The following TRPM8 variants were observed in gnomAD, a reference collection of about 807,000 sequenced individuals.
TRPM8 encodes transient receptor potential cation channel subfamily M member 8.
TRPM8 carries 110 observed loss-of-function variants against 133.7 expected under a neutral mutation model. That is an observed-to-expected ratio of 0.82 (90% CI 0.70 to 0.96). TRPM8 has a LOEUF of 0.96. TRPM8 is among the 40% of genes least tolerant of loss of function. TRPM8 has a pLI of 0.00. For missense variants in TRPM8, 1,291 were observed against 1,379.5 expected, an observed-to-expected ratio of 0.94 and a Z score of 1.02; for synonymous variants, 535 against 532.3, an observed-to-expected ratio of 1.01 and a Z score of -0.07.
chr2:233,932,246 C>T (rs1490031660), intron 3 of TRPM8, among the ~76,000 whole-genome samples: 1 of 152,178 alleles, frequency 6.6e-6, no homozygotes, highest in Non-Finnish European at 1.5e-5. Context: ...GTTGTTCCTG[C>T]CCTTCTCTGA....
At chr2:233,951,782 C>T (rs908131200) in intron 9 of TRPM8, among the ~76,000 whole-genome samples, 7 of 152,128 alleles carry the variant, frequency 4.6e-5, no homozygotes, top group African/African-American at 1.7e-4. Context: ...GGCACTCATA[C>T]AGGGTTTTGC....
In TRPM8 at chr2:233,939,119, T is replaced by C; in HGVS notation, c.470T>C (p.Leu157Pro). The change falls in exon 5 of 26, where the codon CTG (leucine) becomes CCG (proline). Residue 157 changes from leucine (L) to proline (P), a missense_variant. Leu to Pro is a moderately conservative substitution (Grantham distance 98, BLOSUM62 -3). Coordinates refer to ENST00000324695, the MANE Select transcript of TRPM8 (RefSeq NM_024080.5). The part of the protein sequence containing the change: ...SVTGGAKNFA[L>P]KPRMRKIFSR... ...ACCGGGGGCGCCAAGAACTTCGCCC[T>C]GAAGCCGCGCATGCGCAAGATCTTC... 1 of 1,614,170 alleles carries C rather than the reference T, an allele frequency of 6.2e-7. No homozygotes were observed. Among genetic ancestry groups the C allele is most frequent in the Non-Finnish European group, 8.5e-7 (1 of 1,180,046 alleles).
chr2:233,943,188 C>T (rs1390420168), intron 6 of TRPM8, among the ~76,000 whole-genome samples: 1 of 150,492 alleles, frequency 6.6e-6, no homozygotes, highest in African/African-American at 2.5e-5. Flanking sequence ...TATACATGTG[C>T]CATGTTGGTG....
At chr2:233,965,589 C>A (rs528006473) in intron 14 of TRPM8, among the ~76,000 whole-genome samples, 1 of 152,228 alleles carries the variant, frequency 6.6e-6, no homozygotes, top group South Asian at 2.1e-4. Flanking sequence ...AAGTTTGCAA[C>A]GAGGTATTTG....
chr2:233,970,415 G>T lies in TRPM8; in HGVS notation c.2344G>T (p.Glu782Ter). 1 of 1,613,984 alleles carries T rather than the reference G, an allele frequency of 6.2e-7. No homozygotes were observed. The highest frequency in any genetic ancestry group is 1.1e-5 in the South Asian group (1 of 91,064). Residue 782 changes from glutamate to a stop codon, truncating the protein, a stop_gained, in exon 17 of 26, where the codon GAA becomes TAA. Coordinates refer to ENST00000324695, the MANE Select transcript of TRPM8 (RefSeq NM_024080.5). LOFTEE classifies it high-confidence loss of function. ...YSLVFVLFCD[E>*]VRQWYVNGVN... ...GCTGGTCTTTGTCCTCTTCTGTGAT[G>T]AAGTGAGACAGGTAGGGCTGCCATG...
rs1691663261 is a variant in TRPM8 at position 233,969,799 on chromosome 2, A to G, written c.2130A>G (p.Val710=). Reference sequence around the variant, plus strand: ...TACCCTTGGTGGGCTGTGGCTTTGTATCATTTAGGTACAAACCAAGGCACA... The same window carrying G: ...TACCCTTGGTGGGCTGTGGCTTTGTGTCATTTAGGTACAAACCAAGGCACA... ...FIIPLVGCGF[V]SFRKKPVDKH... The change falls in exon 16 of 26, where the codon GTA becomes GTG. Residue 710 remains valine (V), a synonymous_variant. Transcript: ENST00000324695. 1.2e-6 allele frequency: 2 copies of G among 1,604,640 alleles called. No individual in the cohort carries two copies. The highest frequency in any genetic ancestry group is 1.7e-6 in the Non-Finnish European group (2 of 1,171,412).
chr2:234,007,436 T>A (rs564676506), intron 23 of TRPM8, among the ~76,000 whole-genome samples: 148 of 152,334 alleles, frequency 9.7e-4, no homozygotes, highest in African/African-American at 3.5e-3. Context: ...CATTTATGAA[T>A]CGCATGAAGC....
At chr2:233,952,755 G>T (rs535591018) in intron 9 of TRPM8, among the ~76,000 whole-genome samples, 4 of 151,982 alleles carry the variant, frequency 2.6e-5, no homozygotes, top group Non-Finnish European at 5.9e-5. Context: ...GCAGGATGGA[G>T]TCCCAGCTAG....
rs551083600 is a variant in TRPM8 at position 233,938,801 on chromosome 2, C to T, written c.349-197C>T. Among the ~76,000 whole-genome samples the T allele has an allele frequency of 1.8e-3, 280 of 152,192 alleles. 2 individuals are homozygous for T. Among genetic ancestry groups the T allele is most frequent in the Middle Eastern group, 0.017 (5 of 294 alleles). On this transcript the variant is annotated intron_variant, in intron 4 of 25. Coordinates refer to ENST00000324695, the MANE Select transcript of TRPM8 (RefSeq NM_024080.5). ...TTTTCGGGCCCCAAGATTTATTTTC[C>T]TTTCACACTTCCACTTCCTCATGGG...
intron 1 of TRPM8, among the ~76,000 whole-genome samples, chr2:233,918,593 G>A (rs529768921): frequency 1.3e-5 from 2 of 152,070 alleles, no homozygotes; most frequent in Non-Finnish European, 2.9e-5. Flanking sequence ...GATACCTTGG[G>A]GTCAATGACT....
chr2:233,980,088 C>A, intron 17 of TRPM8, 100 bp from the exon 18 acceptor site: 1 of 823,258 alleles, frequency 1.2e-6, no homozygotes, highest in Non-Finnish European at 2.0e-6. Context: ...GTCATTGGCT[C>A]AAAAAGGACC....
intron 1 of TRPM8, among the ~76,000 whole-genome samples, chr2:233,921,607 G>T (rs1691410078): frequency 6.6e-6 from 1 of 151,846 alleles, no homozygotes; most frequent in Non-Finnish European, 1.5e-5. Context: ...AGCCAGAGGT[G>T]CCGAACAGAA....
chr2:233,930,322 G>A (rs1318920207), intron 2 of TRPM8, among the ~76,000 whole-genome samples: 1 of 152,134 alleles, frequency 6.6e-6, no homozygotes, highest in East Asian at 1.9e-4. Context: ...ATGGGAATCT[G>A]CATTGATATA....
At chr2:233,947,521 G>GC in intron 8 of TRPM8, 1 of 1,304,750 alleles carries the variant, frequency 7.7e-7, no homozygotes, top group Non-Finnish European at 1.0e-6. Context: ...CACACAGATT[G>GC]CCCCCAAACC....
At chr2:233,921,022 A>G in intron 1 of TRPM8, among the ~76,000 whole-genome samples, 1 of 151,698 alleles carries the variant, frequency 6.6e-6, no homozygotes, top group East Asian at 1.9e-4. Context: ...ATGCCTGGCT[A>G]ATTTTTTGGT....
At chr2:233,940,757 A>G (rs1176093435) in intron 5 of TRPM8, among the ~76,000 whole-genome samples, 1 of 152,206 alleles carries the variant, frequency 6.6e-6, no homozygotes, top group African/African-American at 2.4e-5. Flanking sequence ...GTTTTGCAAA[A>G]GAGAAAAGAT....
At position 233,963,492 on chromosome 2, in the gene TRPM8, C is replaced by G. The variant is rs552902749; in HGVS notation, c.1749+115C>G. 2.1e-4 allele frequency: 131 copies of G among 635,368 alleles called. 1 individual carries two copies. The South Asian group carries it at 2.8e-3, about 14-fold the overall frequency. 39.4% of individuals were successfully genotyped at this position (635,368 alleles called of 1,614,324 possible). A position where few individuals can be genotyped will look rare whatever the true frequency, so the allele number is the denominator to read the frequency against. On this transcript the variant is annotated intron_variant, in intron 13 of 25. Coordinates refer to ENST00000324695, the MANE Select transcript of TRPM8 (RefSeq NM_024080.5). ...AAACATCATCAGTGAAATGGGATGT[C>G]TGAGTTCAGATGAACATGGTCTCTG... is the stretch of plus-strand genomic sequence containing the variant.
chr2:234,002,466 T>G (rs933695849), intron 22 of TRPM8, among the ~76,000 whole-genome samples: 1 of 152,046 alleles, frequency 6.6e-6, no homozygotes, highest in Non-Finnish European at 1.5e-5. Context: ...GAAACATACA[T>G]CATGACACCT....
rs778371614 is a variant in TRPM8 at position 233,942,754 on chromosome 2, G to C, written c.699+6G>C. On this transcript the variant is annotated splice_donor_region_variant and intron_variant, in intron 6 of 25. Coordinates refer to ENST00000324695, the MANE Select transcript of TRPM8 (RefSeq NM_024080.5). ...TCAGGAATTGCGATGCTGAGGTACC[G>C]GTGGGACAGGAGGAGGTCTGCTAGG... 2.5e-6 allele frequency: 4 copies of C among 1,613,908 alleles called. No homozygotes were observed. In the South Asian group the frequency reaches 3.3e-5, roughly 13 times the overall value.
Sources: gnomAD v4.1 joint callset for allele counts (sites outside exome capture counted in the v4.1 genomes callset) on GRCh38, gnomAD v4.1.1 for gene constraint, MANE v1.5 for transcripts, NCBI Gene and HGNC (gene_info 2026-07-23, HGNC 2026-07-21) for gene names.